SLC35F3: variants seen among roughly 807,000 people sequenced by gnomAD.
The protein encoded by SLC35F3 is solute carrier family 35 member F3.
In SLC35F3, 25 loss-of-function variants were observed where a neutral mutation model predicts 49.9. That is an observed-to-expected ratio of 0.50 (90% CI 0.37 to 0.70). The LOEUF is 0.70. Ranked by LOEUF, SLC35F3 falls within the 30% of genes least tolerant of loss-of-function variation. The pLI is 0.00. For missense variants in SLC35F3, 525 were observed against 639.8 expected (o/e 0.82, Z 1.94); for synonymous variants, 275 against 265.4 (o/e 1.04, Z -0.35).
At chr1:234,302,004 A>G (rs1488086517) in intron 3 of SLC35F3, among the ~76,000 whole-genome samples, 1 of 152,162 alleles carries the variant, frequency 6.6e-6, no homozygotes, top group East Asian at 1.9e-4. Flanking sequence ...ACATGTGGAC[A>G]CAGAGAGGGG....
intron 2 of SLC35F3, among the ~76,000 whole-genome samples, chr1:234,172,161 T>G (rs1436781731): frequency 6.6e-6 from 1 of 152,200 alleles, no homozygotes; most frequent in Non-Finnish European, 1.5e-5. Flanking sequence ...TTCTAGCTAG[T>G]CCCTAAGCTG....
At chr1:234,070,793 C>T (rs996945592) in intron 2 of SLC35F3, among the ~76,000 whole-genome samples, 2 of 152,026 alleles carry the variant, frequency 1.3e-5, no homozygotes, top group Non-Finnish European at 2.9e-5. Context: ...TATTTTTATG[C>T]CACCCCATAA....
chr1:233,947,464 C>T (rs939694891), intron 2 of SLC35F3, among the ~76,000 whole-genome samples: 7 of 149,600 alleles, frequency 4.7e-5, no homozygotes, highest in Non-Finnish European at 1.0e-4. Context: ...TTTGTTCTTC[C>T]TCCAGCCCCA....
At chr1:234,310,397 G>C (rs777686045) in intron 4 of SLC35F3, among the ~76,000 whole-genome samples, 1 of 152,180 alleles carries the variant, frequency 6.6e-6, no homozygotes, top group Non-Finnish European at 1.5e-5. Flanking sequence ...TACCCAAACA[G>C]CAGTGGGGAC....
chr1:234,308,073 TTCC>T (rs1657243028), intron 3 of SLC35F3, among the ~76,000 whole-genome samples: 1 of 152,208 alleles, frequency 6.6e-6, no homozygotes, highest in Non-Finnish European at 1.5e-5. Context: ...CTACAGATGT[TTCC>T]TCATCTCATT....
At chr1:234,322,350 T>C (rs1657641115) in intron 7 of SLC35F3, among the ~76,000 whole-genome samples, 1 of 152,216 alleles carries the variant, frequency 6.6e-6, no homozygotes, top group South Asian at 2.1e-4. Flanking sequence ...TGAAAAACAG[T>C]TGATTCACAT....
intron 2 of SLC35F3, among the ~76,000 whole-genome samples, chr1:233,931,532 A>C (rs994269111): frequency 6.6e-5 from 10 of 152,026 alleles, no homozygotes; most frequent in Non-Finnish European, 1.5e-4. Flanking sequence ...GCAGCCAACA[A>C]ACATGAAAAA....
intron 3 of SLC35F3, among the ~76,000 whole-genome samples, chr1:234,281,951 T>C (rs1310463624): frequency 6.6e-6 from 1 of 152,164 alleles, no homozygotes; most frequent in Non-Finnish European, 1.5e-5. Context: ...GAGCACGCAA[T>C]GGCTGTGAGG....
At chr1:234,001,633 T>TGCAGAAG (rs1412436812) in intron 2 of SLC35F3, among the ~76,000 whole-genome samples, 1 of 152,214 alleles carries the variant, frequency 6.6e-6, no homozygotes, top group East Asian at 1.9e-4. Flanking sequence ...ACCAGGGGTA[T>TGCAGAAG]TACTGATGCA....
intron 2 of SLC35F3, among the ~76,000 whole-genome samples, chr1:234,125,301 A>G (rs1665630563): frequency 6.6e-6 from 1 of 152,180 alleles, no homozygotes; most frequent in Non-Finnish European, 1.5e-5. Context: ...TCAACAATTA[A>G]CAACAACATA....
intron 2 of SLC35F3, among the ~76,000 whole-genome samples, chr1:233,956,764 T>C (rs1662711775): frequency 6.6e-6 from 1 of 152,214 alleles, no homozygotes; most frequent in African/African-American, 2.4e-5. Context: ...TCCTGCAGCC[T>C]CAAGCAGCTG....
intron 2 of SLC35F3, among the ~76,000 whole-genome samples, chr1:234,077,394 G>A (rs1001961357): frequency 2.2e-4 from 33 of 152,180 alleles, no homozygotes; most frequent in African/African-American, 7.7e-4. Context: ...GGAAAGCAAG[G>A]CACCTTTTTC....
intron 2 of SLC35F3, among the ~76,000 whole-genome samples, chr1:233,908,655 C>G (rs1201824308): frequency 6.7e-6 from 1 of 148,638 alleles, no homozygotes; most frequent in Non-Finnish European, 1.5e-5. Context: ...GATTCTCCTG[C>G]TTCAGCCTTC....
chr1:233,909,557 T>C (rs570115465), intron 2 of SLC35F3, among the ~76,000 whole-genome samples: 1 of 152,362 alleles, frequency 6.6e-6, no homozygotes, highest in Admixed American at 6.5e-5. Flanking sequence ...CTCTACTCTT[T>C]CCTAGTTCTT....
intron 2 of SLC35F3, among the ~76,000 whole-genome samples, chr1:234,158,722 G>A (rs960763160): frequency 5.3e-4 from 80 of 152,148 alleles, no homozygotes; most frequent in African/African-American, 1.8e-3. Context: ...CAAAAAGCAT[G>A]TGCATATTTA....
chr1:233,985,546 C>G (rs1663254219), intron 2 of SLC35F3, among the ~76,000 whole-genome samples: 1 of 152,016 alleles, frequency 6.6e-6, no homozygotes, highest in Non-Finnish European at 1.5e-5. Flanking sequence ...GAAAAAAATT[C>G]CACTTTGATT....
At chr1:233,911,128 G>C (rs1346587704) in intron 2 of SLC35F3, among the ~76,000 whole-genome samples, 1 of 152,186 alleles carries the variant, frequency 6.6e-6, no homozygotes, top group African/African-American at 2.4e-5. Context: ...TGAGGGGGAA[G>C]GGCTCATGGA....
chr1:233,922,398 A>G lies in SLC35F3; in HGVS notation c.283+16640A>G, dbSNP rs572832622. ...TGCATTTCTCTGATGGCCAGTGATG[A>G]TGAGCATTTTTTCATGTGTCTTTTG... On this transcript the variant is annotated intron_variant, in intron 2 of 7. Coordinates refer to ENST00000366618, the MANE Select transcript of SLC35F3 (RefSeq NM_173508.4). 9.0e-3 allele frequency among the ~76,000 whole-genome samples: 1,355 copies of G among 150,594 alleles called. 22 individuals carry two copies. The highest frequency in any genetic ancestry group is 0.031 in the African/African-American group (1,289 of 41,046).
chr1:233,956,536 C>G (rs1383003043), intron 2 of SLC35F3, among the ~76,000 whole-genome samples: 1 of 152,164 alleles, frequency 6.6e-6, no homozygotes, highest in Non-Finnish European at 1.5e-5. Flanking sequence ...TTCTTCTTCC[C>G]CTATGGAAGA....
Sources: allele counts gnomAD v4.1 joint callset (sites outside exome capture counted in the v4.1 genomes callset), GRCh38; gene constraint gnomAD v4.1.1; transcripts MANE v1.5; gene names NCBI Gene and HGNC (gene_info 2026-07-23, HGNC 2026-07-21).